The following SGMS1 variants were observed in gnomAD, a reference collection of about 807,000 sequenced individuals.
SGMS1 encodes the protein phosphatidylcholine:ceramide cholinephosphotransferase 1.
SGMS1 carries 13 observed loss-of-function variants against 46.2 expected under a neutral mutation model. That is an observed-to-expected ratio of 0.28 (90% CI 0.18 to 0.45). The LOEUF (loss-of-function observed/expected upper bound fraction) is 0.45, where lower values mean the gene tolerates loss of function less well. SGMS1 is among the 20% of genes least tolerant of loss of function. The pLI, the probability that SGMS1 is intolerant of heterozygous loss-of-function variation, is 1.00. For synonymous variants in SGMS1, 203 were observed against 187.8 expected, an observed-to-expected ratio of 1.08 and a Z score of -0.66; for missense variants, 324 against 519.9, an observed-to-expected ratio of 0.62 and a Z score of 3.66.
At chr10:50,467,530 A>C (rs1223693861) in intron 3 of SGMS1, among the ~76,000 whole-genome samples, 1 of 152,212 alleles carries the variant, frequency 6.6e-6, no homozygotes, top group Non-Finnish European at 1.5e-5. Context: ...TGTAAGTAAA[A>C]TATACACATG....
intron 2 of SGMS1, among the ~76,000 whole-genome samples, chr10:50,556,525 C>G (rs1254719953): frequency 6.6e-6 from 1 of 152,156 alleles, no homozygotes; most frequent in Non-Finnish European, 1.5e-5. Context: ...AGGTGTACCA[C>G]AGGAACATGT....
chr10:50,332,075 C>G (rs1847632049), intron 7 of SGMS1, among the ~76,000 whole-genome samples: 1 of 152,202 alleles, frequency 6.6e-6, no homozygotes, highest in African/African-American at 2.4e-5. Context: ...TCCCTTAAAG[C>G]CCTCCAATGG....
chr10:50,307,470 A>G lies in SGMS1; in HGVS notation c.1063-149T>C. ...CTTCTCTCTCTCATCACCATTCTAC[A>G]CTCCACATTCATCTACAAACTGAGC... On this transcript the variant is annotated intron_variant, in intron 10 of 10. Transcript: ENST00000361781. The surrounding 1 kb of genome is among the most constrained non-coding windows in gnomAD (Gnocchi z 4.2). 1.4e-5 allele frequency: 9 copies of G among 637,248 alleles called. No individual in the cohort carries two copies. In the South Asian group the frequency reaches 1.8e-4, roughly 13 times the overall value. The allele number at this position is 637,248 out of a possible 1,614,324, so 39.5% of individuals were successfully genotyped here. A position where few individuals can be genotyped will look rare whatever the true frequency, so the allele number is the denominator to read the frequency against.
At chr10:50,349,671 T>C (rs1183337871) in intron 6 of SGMS1, among the ~76,000 whole-genome samples, 1 of 152,202 alleles carries the variant, frequency 6.6e-6, no homozygotes, top group East Asian at 1.9e-4. Flanking sequence ...ACTGTTCTTG[T>C]GGTAGTGAAT....
chr10:50,444,839 C>T (rs1273033636), intron 5 of SGMS1, among the ~76,000 whole-genome samples: 1 of 152,028 alleles, frequency 6.6e-6, no homozygotes, highest in Admixed American at 6.5e-5. Flanking sequence ...AGACAAAATA[C>T]TACCAATAAA....
At chr10:50,469,329 G>A (rs935560162) in intron 3 of SGMS1, among the ~76,000 whole-genome samples, 3 of 152,136 alleles carry the variant, frequency 2.0e-5, no homozygotes, top group Non-Finnish European at 4.4e-5. Context: ...GTCAGTGAGT[G>A]GCTTGAGAAG....
intron 2 of SGMS1, among the ~76,000 whole-genome samples, chr10:50,580,646 C>T (rs906123502): frequency 6.6e-6 from 1 of 152,184 alleles, no homozygotes; most frequent in Non-Finnish European, 1.5e-5. Flanking sequence ...TTCAGTGGCT[C>T]TCACACTTGA....
At chr10:50,400,579 T>G (rs1284158741) in intron 6 of SGMS1, among the ~76,000 whole-genome samples, 1 of 151,352 alleles carries the variant, frequency 6.6e-6, no homozygotes, top group Non-Finnish European at 1.5e-5. Flanking sequence ...GCCTCCTGAG[T>G]AGCTGAGACT....
intron 2 of SGMS1, among the ~76,000 whole-genome samples, chr10:50,564,384 T>C (rs1013005180): frequency 1.3e-5 from 2 of 152,210 alleles, no homozygotes; most frequent in Non-Finnish European, 2.9e-5. Flanking sequence ...TTCTTTAAAC[T>C]GCGCGACATT....
chr10:50,308,428 C>A (rs1383447311), intron 9 of SGMS1, among the ~76,000 whole-genome samples: 3 of 152,100 alleles, frequency 2.0e-5, no homozygotes, highest in Admixed American at 6.6e-5. Context: ...CAAATAAGGA[C>A]AGGTTAATGC....
chr10:50,336,962 A>G (rs1847726234), intron 7 of SGMS1, among the ~76,000 whole-genome samples: 1 of 152,212 alleles, frequency 6.6e-6, no homozygotes, highest in South Asian at 2.1e-4. Flanking sequence ...AACAAAACAG[A>G]TTTTGAGTAA....
intron 1 of SGMS1, among the ~76,000 whole-genome samples, chr10:50,610,432 C>T (rs948831037): frequency 6.6e-6 from 1 of 152,200 alleles, no homozygotes; most frequent in Non-Finnish European, 1.5e-5. Flanking sequence ...GGAAACCCAT[C>T]CAGGGACCCC....
chr10:50,533,884 G>A (rs3011784), intron 2 of SGMS1, among the ~76,000 whole-genome samples: 6,838 of 152,088 alleles, frequency 0.045, 212 homozygotes, highest in Non-Finnish European at 0.068. Flanking sequence ...CCTCTGCTCC[G>A]GTTAAAACCA....
At chr10:50,485,332 C>T (rs981652170) in intron 3 of SGMS1, among the ~76,000 whole-genome samples, 1 of 152,132 alleles carries the variant, frequency 6.6e-6, no homozygotes, top group African/African-American at 2.4e-5. Flanking sequence ...AGGAATACAG[C>T]TAACAAGGGA....
intron 5 of SGMS1, among the ~76,000 whole-genome samples, chr10:50,455,015 C>A (rs1028642460): frequency 1.4e-4 from 22 of 152,148 alleles, no homozygotes; most frequent in African/African-American, 4.6e-4. Flanking sequence ...GAAGACCCTG[C>A]CCAACCCCTT....
At chr10:50,529,617 C>G (rs999220583) in intron 2 of SGMS1, among the ~76,000 whole-genome samples, 4 of 152,142 alleles carry the variant, frequency 2.6e-5, no homozygotes, top group African/African-American at 9.7e-5. Context: ...AAATGCCTCC[C>G]TATTCCCTTT....
chr10:50,333,314 T>C (rs544843461), intron 7 of SGMS1, among the ~76,000 whole-genome samples: 38 of 152,318 alleles, frequency 2.5e-4, no homozygotes, highest in African/African-American at 8.2e-4. Context: ...TTAATTCTTA[T>C]TCTCTCTGAA....
At position 50,306,927 on chromosome 10, in the gene SGMS1, A is replaced by G. The variant is rs1847188337; in HGVS notation, c.*215T>C. The G allele has an allele frequency of 2.3e-6, 1 of 430,372 alleles. No individual in the cohort carries two copies. Among genetic ancestry groups the G allele is most frequent in the Non-Finnish European group, 4.1e-6 (1 of 243,912 alleles). The allele number at this position is 430,372 out of a possible 1,614,324, so 26.7% of individuals were successfully genotyped here. A position where few individuals can be genotyped will look rare whatever the true frequency, so the allele number is the denominator to read the frequency against. On this transcript the variant is annotated 3_prime_UTR_variant, in exon 11 of 11. Coordinates refer to ENST00000361781, the MANE Select transcript of SGMS1 (RefSeq NM_147156.4). ...AAACTTATGAACAGGAAATGTGTAC[A>G]GTGCATGATAGGTTAAATTTTTCTT...
chr10:50,596,276 A>G lies in SGMS1; in HGVS notation c.-683-6029T>C, dbSNP rs1838591890. On this transcript the variant is annotated intron_variant, in intron 1 of 10. Transcript: ENST00000361781. The stretch of plus-strand genomic sequence containing the variant: ...ACCGCAACCTGCGCCTCCCTGGTTC[A>G]AGCGATTCCCCTGCCTCAGCCTCCC... Among the ~76,000 whole-genome samples the G allele has an allele frequency of 2.0e-5, 3 of 151,408 alleles. No homozygotes were observed. In the South Asian group the frequency reaches 6.2e-4, roughly 31 times the overall value.
Sources: gnomAD v4.1 joint callset for allele counts (sites outside exome capture counted in the v4.1 genomes callset) on GRCh38, gnomAD v4.1.1 for gene constraint, Gnocchi (gnomAD v3.1) non-coding constraint, MANE v1.5 for transcripts, NCBI Gene and HGNC (gene_info 2026-07-23, HGNC 2026-07-21) for gene names.